Variants in IMMP1L observed in about 807,000 individuals in gnomAD.
IMMP1L encodes mitochondrial inner membrane protease subunit 1.
Under a neutral mutation model 21.8 loss-of-function variants are expected in IMMP1L, and 24 were observed. The observed-to-expected ratio is 1.10, with a 90% CI of 0.80 to 1.55. The LOEUF (loss-of-function observed/expected upper bound fraction) is 1.55, where lower values mean the gene tolerates loss of function less well. Among genes scored for constraint, IMMP1L ranks in the 40% most tolerant of loss-of-function variants. The pLI is 0.00. For synonymous variants in IMMP1L, 46 were observed against 62.8 expected (o/e 0.73, Z 1.26); for missense variants, 195 against 200.7 (o/e 0.97, Z 0.17).
At chr11:31,497,393 C>T (rs998713470) in intron 1 of IMMP1L, among the ~76,000 whole-genome samples, 2 of 151,254 alleles carry the variant, frequency 1.3e-5, no homozygotes, top group African/African-American at 2.4e-5. Flanking sequence ...GAGTAGAATA[C>T]AGGTTATTAG....
intron 1 of IMMP1L, among the ~76,000 whole-genome samples, chr11:31,496,653 A>ATC (rs1955446802): frequency 6.6e-6 from 1 of 150,984 alleles, no homozygotes; most frequent in Non-Finnish European, 1.5e-5. Context: ...TAAATATGTT[A>ATC]TCTTATATAT....
chr11:31,467,260 T>C (rs1954388232), intron 1 of IMMP1L, among the ~76,000 whole-genome samples: 1 of 152,152 alleles, frequency 6.6e-6, no homozygotes, highest in African/African-American at 2.4e-5. Flanking sequence ...ATGTATATAT[T>C]TGTCTGTTTG....
chr11:31,499,370 A>G (rs1166328342), intron 1 of IMMP1L, among the ~76,000 whole-genome samples: 1 of 151,198 alleles, frequency 6.6e-6, no homozygotes, highest in East Asian at 2.0e-4. Context: ...GTATCAAAAA[A>G]CAAAACAAAA....
At chr11:31,507,206 G>A (rs1223105) in intron 1 of IMMP1L, among the ~76,000 whole-genome samples, 13,129 of 151,348 alleles carry the variant, frequency 0.087, 1,569 homozygotes, top group African/African-American at 0.27. Context: ...GTGAACCCAG[G>A]AAGGCACAGC....
chr11:31,442,166 T>C (rs1286317561), intron 4 of IMMP1L, among the ~76,000 whole-genome samples: 1 of 152,016 alleles, frequency 6.6e-6, no homozygotes, highest in Non-Finnish European at 1.5e-5. Context: ...AGAGGTTTAC[T>C]TCCTGAGCTA....
At position 31,433,104 on chromosome 11, in the gene IMMP1L, C is replaced by G. The variant is rs950610628; in HGVS notation, c.432+356G>C. On this transcript the variant is annotated intron_variant, in intron 5 of 5. Coordinates refer to ENST00000532287, the MANE Select transcript of IMMP1L (RefSeq NM_001304274.2). ...ACTCAACTGGGGTATCCCTACTTTA[C>G]AGGTAGTTTGAATCTAGACTGTTCT... Among the ~76,000 whole-genome samples, 3 of 152,290 alleles carry G rather than the reference C, an allele frequency of 2.0e-5. No homozygotes were observed. In the South Asian group the frequency reaches 6.2e-4, roughly 32 times the overall value.
intron 4 of IMMP1L, among the ~76,000 whole-genome samples, chr11:31,437,715 A>T (rs1170457097): frequency 6.6e-6 from 1 of 152,218 alleles, no homozygotes; most frequent in Non-Finnish European, 1.5e-5. Context: ...TGTTTCTTCC[A>T]TGCCGAAAAG....
At chr11:31,486,506 T>C (rs1955081787) in intron 1 of IMMP1L, among the ~76,000 whole-genome samples, 2 of 151,984 alleles carry the variant, frequency 1.3e-5, no homozygotes, top group Non-Finnish European at 2.9e-5. Flanking sequence ...CACTTTACTA[T>C]ATATGTAAGG....
chr11:31,448,283 G>C (rs940212120), intron 4 of IMMP1L, among the ~76,000 whole-genome samples: 2 of 152,000 alleles, frequency 1.3e-5, no homozygotes, highest in African/African-American at 2.4e-5. Context: ...AGTCCAACCT[G>C]GGTTGACAGA....
At chr11:31,472,453 T>C (rs1286722128) in intron 1 of IMMP1L, among the ~76,000 whole-genome samples, 1 of 152,230 alleles carries the variant, frequency 6.6e-6, no homozygotes, top group Admixed American at 6.5e-5. Context: ...CAATGGCCAT[T>C]GCCAGCCTTG....
intron 4 of IMMP1L, among the ~76,000 whole-genome samples, chr11:31,450,470 T>G (rs1207936693): frequency 3.3e-5 from 5 of 152,204 alleles, no homozygotes; most frequent in African/African-American, 1.2e-4. Flanking sequence ...ATTTTTATTC[T>G]GCTTAAAGAA....
chr11:31,503,902 A>C (rs1025447679), intron 1 of IMMP1L, among the ~76,000 whole-genome samples: 2 of 152,278 alleles, frequency 1.3e-5, no homozygotes, highest in African/African-American at 2.4e-5. Context: ...TAACCAATGG[A>C]AAGTCCAGAA....
chr11:31,487,647 A>C (rs1426052930), intron 1 of IMMP1L, among the ~76,000 whole-genome samples: 1 of 152,142 alleles, frequency 6.6e-6, no homozygotes, highest in Non-Finnish European at 1.5e-5. Context: ...GCAGTTTTAG[A>C]TATTTTCTTT....
chr11:31,464,473 C>T (rs1350225602), intron 1 of IMMP1L, among the ~76,000 whole-genome samples: 1 of 152,044 alleles, frequency 6.6e-6, no homozygotes, highest in South Asian at 2.1e-4. Flanking sequence ...AATGCCCAAA[C>T]CAGATGCAGG....
At chr11:31,495,676 T>C (rs1955407759) in intron 1 of IMMP1L, among the ~76,000 whole-genome samples, 1 of 152,190 alleles carries the variant, frequency 6.6e-6, no homozygotes, top group Non-Finnish European at 1.5e-5. Flanking sequence ...GACAGATCTA[T>C]AGACCAATGG....
intron 3 of IMMP1L, among the ~76,000 whole-genome samples, chr11:31,457,297 ACAAT>A (rs1185689788): frequency 6.6e-6 from 1 of 152,192 alleles, no homozygotes; most frequent in Non-Finnish European, 1.5e-5. Flanking sequence ...GGAAGAACTG[ACAAT>A]CTATCTGGTA....
At chr11:31,473,878 T>TA in intron 1 of IMMP1L, 1 of 267,070 alleles carries the variant, frequency 3.7e-6, no homozygotes, top group Non-Finnish European at 5.8e-6. Flanking sequence ...TATGTATATA[T>TA]ATGTCAAATG....
intron 1 of IMMP1L, among the ~76,000 whole-genome samples, chr11:31,499,419 C>T (rs1326438171): frequency 2.0e-5 from 3 of 148,962 alleles, no homozygotes; most frequent in African/African-American, 5.1e-5. Flanking sequence ...AACGACAGTA[C>T]GTTTTAAAAA....
chr11:31,444,068 A>G (rs1953432549), intron 4 of IMMP1L, among the ~76,000 whole-genome samples: 1 of 152,156 alleles, frequency 6.6e-6, no homozygotes. Flanking sequence ...GCTGTTTAGG[A>G]TAGTGGTTAA....
Sources: gnomAD v4.1 joint callset for allele counts (sites outside exome capture counted in the v4.1 genomes callset) on GRCh38, gnomAD v4.1.1 for gene constraint, MANE v1.5 for transcripts, NCBI Gene and HGNC (gene_info 2026-07-23, HGNC 2026-07-21) for gene names.